The following SPOPL variants were observed in gnomAD, a reference collection of about 807,000 sequenced individuals.
The protein encoded by SPOPL is speckle-type POZ protein-like.
SPOPL carries 23 observed loss-of-function variants against 53.8 expected under a neutral mutation model. That is an observed-to-expected ratio of 0.43 (90% CI 0.31 to 0.61). The LOEUF (loss-of-function observed/expected upper bound fraction) is 0.61, where lower values mean the gene tolerates loss of function less well. Ranked by LOEUF, SPOPL falls within the 20% of genes least tolerant of loss-of-function variation. The pLI, the probability that SPOPL is intolerant of heterozygous loss-of-function variation, is 0.12. For missense variants in SPOPL, 442 were observed against 466.9 expected (o/e 0.95, Z 0.49); for synonymous variants, 164 against 149.7 (o/e 1.10, Z -0.70).
chr2:138,511,886 G>A (rs1011282257), intron 1 of SPOPL, among the ~76,000 whole-genome samples: 1 of 152,118 alleles, frequency 6.6e-6, no homozygotes, highest in Non-Finnish European at 1.5e-5. Context: ...TTTAATAGCT[G>A]TATGACTTTA....
At chr2:138,508,486 A>G (rs1684261177) in intron 1 of SPOPL, among the ~76,000 whole-genome samples, 1 of 152,038 alleles carries the variant, frequency 6.6e-6, no homozygotes, top group Non-Finnish European at 1.5e-5. Flanking sequence ...CACAGCCACC[A>G]TGCCCAGCTA....
intron 9 of SPOPL, 33 bp downstream of exon 9, chr2:138,564,883 A>G: frequency 6.2e-7 from 1 of 1,613,810 alleles, no homozygotes; most frequent in Non-Finnish European, 8.5e-7. Context: ...TGGGCATGAC[A>G]ACTTCAATAT....
At chr2:138,522,686 T>G (rs1674391269) in intron 1 of SPOPL, among the ~76,000 whole-genome samples, 1 of 152,194 alleles carries the variant, frequency 6.6e-6, no homozygotes, top group Admixed American at 6.5e-5. Context: ...CCCTGCACAT[T>G]CTTTTCTATA....
chr2:138,539,948 TC>T (rs1449999847), intron 1 of SPOPL, among the ~76,000 whole-genome samples: 10 of 152,250 alleles, frequency 6.6e-5, no homozygotes, highest in Non-Finnish European at 1.2e-4. Context: ...GGATCTAGTT[TC>T]AGCTTTCTAC....
At chr2:138,516,047 T>TA (rs978355446) in intron 1 of SPOPL, among the ~76,000 whole-genome samples, 2 of 151,978 alleles carry the variant, frequency 1.3e-5, no homozygotes, top group Admixed American at 6.6e-5. Flanking sequence ...GGCAATTAGC[T>TA]AAAAAACAAA....
intron 1 of SPOPL, among the ~76,000 whole-genome samples, chr2:138,513,825 AAAT>A (rs1388809980): frequency 6.6e-6 from 1 of 152,160 alleles, no homozygotes; most frequent in Non-Finnish European, 1.5e-5. Context: ...TAATGTAAAA[AAAT>A]TAATTAGCAT....
chr2:138,550,546 A>G lies in SPOPL; in HGVS notation c.142A>G (p.Met48Val). ...TAACTTCAGTTTTTGTCGAGAGGAA[A>G]TGGGTGAAGTGTTAAAAAGTTCAAC... ...INNFSFCREE[M>V]GEVLKSSTFS... Residue 48 changes from methionine to valine, a missense_variant, in exon 3 of 11, where the codon ATG (methionine) becomes GTG (valine). Coordinates refer to ENST00000280098, the MANE Select transcript of SPOPL (RefSeq NM_001001664.3). 6.2e-7 allele frequency: 1 copy of G among 1,611,688 alleles called. No homozygotes were observed. The highest frequency in any genetic ancestry group is 8.5e-7 in the Non-Finnish European group (1 of 1,178,140).
intron 5 of SPOPL, among the ~76,000 whole-genome samples, chr2:138,557,327 G>C (rs369635983): frequency 6.6e-6 from 1 of 152,242 alleles, no homozygotes; most frequent in South Asian, 2.1e-4. Flanking sequence ...GATTTCAAAA[G>C]GTTAATACGT....
intron 1 of SPOPL, among the ~76,000 whole-genome samples, chr2:138,543,896 C>G (rs1484058928): frequency 6.6e-6 from 1 of 152,120 alleles, no homozygotes; most frequent in African/African-American, 2.4e-5. Context: ...ATGATGGTGA[C>G]TTACAGATGG....
chr2:138,543,505 C>T (rs745716756), intron 1 of SPOPL, among the ~76,000 whole-genome samples: 3 of 152,110 alleles, frequency 2.0e-5, no homozygotes, highest in Non-Finnish European at 1.5e-5. Context: ...TCACTGATAC[C>T]CTTTCTTTCA....
At chr2:138,543,200 A>G (rs950103394) in intron 1 of SPOPL, among the ~76,000 whole-genome samples, 1 of 151,964 alleles carries the variant, frequency 6.6e-6, no homozygotes, top group African/African-American at 2.4e-5. Flanking sequence ...GGTGAATCTG[A>G]CAGTTATGTG....
At chr2:138,523,865 T>G (rs960569218) in intron 1 of SPOPL, among the ~76,000 whole-genome samples, 9 of 152,180 alleles carry the variant, frequency 5.9e-5, no homozygotes, top group Non-Finnish European at 1.0e-4. Flanking sequence ...AGGCTGTTGT[T>G]GAGTGTCTGC....
chr2:138,520,910 A>G (rs577873346), intron 1 of SPOPL, among the ~76,000 whole-genome samples: 99 of 152,316 alleles, frequency 6.5e-4, no homozygotes, highest in South Asian at 5.6e-3. Flanking sequence ...GTATAAGACT[A>G]TTAACATAGG....
intron 1 of SPOPL, among the ~76,000 whole-genome samples, chr2:138,524,793 A>G (rs1264134607): frequency 1.3e-5 from 2 of 152,190 alleles, no homozygotes; most frequent in Non-Finnish European, 2.9e-5. Flanking sequence ...TTCATTGTCC[A>G]TATCATTATT....
chr2:138,527,219 T>G (rs186081378), intron 1 of SPOPL, among the ~76,000 whole-genome samples: 26 of 152,318 alleles, frequency 1.7e-4, no homozygotes, highest in East Asian at 1.5e-3. Context: ...GTAATCATTC[T>G]TGGCAGTTGA....
chr2:138,525,680 A>T (rs934095445), intron 1 of SPOPL, among the ~76,000 whole-genome samples: 3 of 151,572 alleles, frequency 2.0e-5, no homozygotes, highest in African/African-American at 7.3e-5. Flanking sequence ...AAAAATACAC[A>T]AAAAACAATT....
At position 138,560,909 on chromosome 2, in the gene SPOPL, G is replaced by C; in HGVS notation, c.819G>C (p.Leu273Phe). 1 of 1,609,250 alleles carries C rather than the reference G, an allele frequency of 6.2e-7. No individual in the cohort carries two copies. Among genetic ancestry groups the C allele is most frequent in the Non-Finnish European group, 8.5e-7 (1 of 1,178,718 alleles). The change falls in exon 8 of 11, where the codon TTG becomes TTC. Residue 273 changes from leucine (L) to phenylalanine (F), a missense_variant. Coordinates refer to ENST00000280098, the MANE Select transcript of SPOPL (RefSeq NM_001001664.3). Reference protein sequence around the residue: ...APNLDKMADNLLAAADKYALE... With the variant: ...APNLDKMADNFLAAADKYALE... ...ACCTTGACAAAATGGCTGACAACTT[G>C]TTGGCAGCTGCAGACAAAGTAAGTA...
At chr2:138,517,103 A>G (rs1381037460) in intron 1 of SPOPL, among the ~76,000 whole-genome samples, 1 of 152,254 alleles carries the variant, frequency 6.6e-6, no homozygotes, top group Non-Finnish European at 1.5e-5. Context: ...TTTTCAAAGT[A>G]TGGAATTAAG....
intron 1 of SPOPL, among the ~76,000 whole-genome samples, chr2:138,536,178 C>T (rs910769957): frequency 6.6e-6 from 1 of 152,092 alleles, no homozygotes; most frequent in Admixed American, 6.6e-5. Flanking sequence ...GCATATGGGT[C>T]ATACTTTCTG....
Sources: gnomAD v4.1 joint callset for allele counts (sites outside exome capture counted in the v4.1 genomes callset) on GRCh38, gnomAD v4.1.1 for gene constraint, MANE v1.5 for transcripts, NCBI Gene and HGNC (gene_info 2026-07-23, HGNC 2026-07-21) for gene names.